Variants in PCDH15 observed in about 807,000 individuals in gnomAD.
The protein encoded by PCDH15 is protocadherin related 15.
PCDH15 carries 129 observed loss-of-function variants against 178.5 expected under a neutral mutation model. The observed-to-expected ratio is 0.72, with a 90% confidence interval of 0.63 to 0.84. The LOEUF is 0.84. Ranked by LOEUF, PCDH15 falls within the 40% of genes least tolerant of loss-of-function variation. PCDH15 has a pLI of 0.00. For missense variants in PCDH15, 2,230 were observed against 2,099.9 expected (o/e 1.06, Z -1.21); for synonymous variants, 800 against 732.0 (o/e 1.09, Z -1.50).
intron 2 of PCDH15, among the ~76,000 whole-genome samples, chr10:55,613,901 G>A (rs1843421493): frequency 6.6e-6 from 1 of 152,084 alleles, no homozygotes; most frequent in Non-Finnish European, 1.5e-5. Flanking sequence ...AAGGTCAGGA[G>A]ATCGAGACCA....
chr10:53,939,949 C>T (rs1361019194), intron 24 of PCDH15, among the ~76,000 whole-genome samples: 1 of 151,966 alleles, frequency 6.6e-6, no homozygotes, highest in Non-Finnish European at 1.5e-5. Flanking sequence ...TTAGGGAGGA[C>T]ACATAGTAGC....
intron 2 of PCDH15, among the ~76,000 whole-genome samples, chr10:55,432,082 AACACACACACAC>A (rs58866288): frequency 0.37 from 55,273 of 148,416 alleles, 10,993 homozygotes; most frequent in African/African-American, 0.54. Flanking sequence ...CTATCATTTA[AACACACACACAC>A]ACACACACAC....
intron 19 of PCDH15, 89 bp downstream of exon 19, chr10:54,022,803 G>T: frequency 7.9e-7 from 1 of 1,272,026 alleles, no homozygotes; most frequent in Non-Finnish European, 1.1e-6. Context: ...TTGGTATGTT[G>T]TATTGTTACT....
Position 53,979,658 on chromosome 10 carries a change from G to T in PCDH15, c.2868+15991C>A, listed in dbSNP as rs571377810. 3.9e-5 allele frequency among the ~76,000 whole-genome samples: 6 copies of T among 152,276 alleles called. No homozygotes were observed. The East Asian group carries it at 9.7e-4, about 25-fold the overall frequency. On this transcript the variant is annotated intron_variant, in intron 21 of 37. Coordinates refer to ENST00000644397, the MANE Select transcript of PCDH15 (RefSeq NM_001384140.1). Reference sequence around the variant, plus strand: ...TTTGTACTCATGGGCCTCACAATTGGACAGGTTGGAGAGACAAAATGTACA... The same window carrying T: ...TTTGTACTCATGGGCCTCACAATTGTACAGGTTGGAGAGACAAAATGTACA...
chr10:54,750,432 G>A (rs1383992356), intron 1 of PCDH15, among the ~76,000 whole-genome samples: 1 of 152,052 alleles, frequency 6.6e-6, no homozygotes, highest in Non-Finnish European at 1.5e-5. Context: ...ATACAGGTAA[G>A]TTAGGGCAAA....
intron 2 of PCDH15, among the ~76,000 whole-genome samples, chr10:55,000,189 G>A (rs1054214968): frequency 6.6e-6 from 1 of 152,160 alleles, no homozygotes; most frequent in Non-Finnish European, 1.5e-5. Flanking sequence ...AGCGCTATGG[G>A]AGACTAGGGC....
intron 2 of PCDH15, among the ~76,000 whole-genome samples, chr10:55,401,726 G>T (rs1838076110): frequency 6.6e-6 from 1 of 151,710 alleles, no homozygotes; most frequent in Non-Finnish European, 1.5e-5. Flanking sequence ...AAGACCAGAA[G>T]TGAGATTAGA....
At position 55,399,066 on chromosome 10, in the gene PCDH15, G is replaced by A. The variant is rs151183064; in HGVS notation, c.-156+228559C>T. 7.9e-3 allele frequency among the ~76,000 whole-genome samples: 1,207 copies of A among 152,110 alleles called. 15 individuals carry two copies. Among genetic ancestry groups the A allele is most frequent in the African/African-American group, 0.026 (1,085 of 41,522 alleles). ...GTGAAAAACAGGCTACTGAAAAAAT[G>A]ATTTTAATTTTAATTTTTAATGTAT... On this transcript the variant is annotated intron_variant, in intron 2 of 5. Coordinates refer to the PCDH15 transcript ENST00000613346.
At chr10:54,323,742 T>C (rs1328254127) in intron 7 of PCDH15, among the ~76,000 whole-genome samples, 1 of 151,980 alleles carries the variant, frequency 6.6e-6, no homozygotes, top group Non-Finnish European at 1.5e-5. Flanking sequence ...ATCAAAAAAC[T>C]ACCCATTGAG....
At chr10:53,915,995 A>G (rs1389087882) in intron 25 of PCDH15, among the ~76,000 whole-genome samples, 1 of 152,192 alleles carries the variant, frequency 6.6e-6, no homozygotes, top group Non-Finnish European at 1.5e-5. Context: ...ATCCACATAT[A>G]CTGAAGTCCC....
intron 18 of PCDH15, among the ~76,000 whole-genome samples, chr10:54,045,070 A>G (rs1310491063): frequency 6.6e-6 from 1 of 152,078 alleles, no homozygotes; most frequent in African/African-American, 2.4e-5. Context: ...AAGCCTCTTA[A>G]AGATAGAGCT....
At chr10:55,442,488 T>TATA (rs1554869653) in intron 2 of PCDH15, among the ~76,000 whole-genome samples, 1 of 144,030 alleles carries the variant, frequency 6.9e-6, no homozygotes, top group Non-Finnish European at 1.5e-5. Flanking sequence ...ATATTATATA[T>TATA]ATATATATAT....
At chr10:55,351,869 T>C (rs1844944938) in intron 2 of PCDH15, among the ~76,000 whole-genome samples, 1 of 152,190 alleles carries the variant, frequency 6.6e-6, no homozygotes, top group South Asian at 2.1e-4. Context: ...GAATGTTAAG[T>C]CTCATTGCTC....
intron 2 of PCDH15, among the ~76,000 whole-genome samples, chr10:54,930,198 G>T (rs1005470584): frequency 6.6e-6 from 1 of 152,114 alleles, no homozygotes; most frequent in Non-Finnish European, 1.5e-5. Context: ...AAATCCATTT[G>T]CATAATAAAA....
chr10:53,887,734 GA>G (rs35620550), intron 26 of PCDH15, among the ~76,000 whole-genome samples: 2 of 151,772 alleles, frequency 1.3e-5, no homozygotes, highest in East Asian at 3.9e-4. Context: ...CTAAAAATAC[GA>G]AAAATTAGCC....
intron 2 of PCDH15, among the ~76,000 whole-genome samples, chr10:55,414,030 T>C (rs1250371759): frequency 6.6e-6 from 1 of 151,562 alleles, no homozygotes; most frequent in Non-Finnish European, 1.5e-5. Context: ...AAAAATGTAT[T>C]TCAGCATATT....
At position 55,443,158 on chromosome 10, in the gene PCDH15, T is replaced by G. The variant is rs893758367; in HGVS notation, c.-156+184467A>C. ...ATTAACTCAAGATGGATTAAAGATT[T>G]AAACATAAGACCTAAAACCATAAAA... On this transcript the variant is annotated intron_variant, in intron 2 of 5. Transcript: ENST00000613346. Among the ~76,000 whole-genome samples the G allele has an allele frequency of 2.6e-5, 4 of 152,088 alleles. No individual in the cohort carries two copies. The East Asian group carries it at 5.8e-4, about 22-fold the overall frequency.
intron 3 of PCDH15, among the ~76,000 whole-genome samples, chr10:54,479,395 T>A (rs2078534469): frequency 6.6e-6 from 1 of 152,032 alleles, no homozygotes; most frequent in Non-Finnish European, 1.5e-5. Flanking sequence ...TGTAACATAT[T>A]GAATACGTAA....
At chr10:55,416,036 AAAACAAACAAACAAGCAAACAAAC>A (rs1162051406) in intron 2 of PCDH15, among the ~76,000 whole-genome samples, 1 of 129,366 alleles carries the variant, frequency 7.7e-6, no homozygotes, top group Non-Finnish European at 1.7e-5. Context: ...TTAAGGCAAA[AAAACAAACAAACAAGCAAACAAAC>A]AAACAAACAA....
Sources: gnomAD v4.1 joint callset for allele counts (sites outside exome capture counted in the v4.1 genomes callset) on GRCh38, gnomAD v4.1.1 for gene constraint, MANE v1.5 for transcripts, NCBI Gene and HGNC (gene_info 2026-07-23, HGNC 2026-07-21) for gene names.